Variants in TAFA1 observed in about 807,000 individuals in gnomAD.
TAFA1 encodes chemokine-like protein TAFA-1.
Under a neutral mutation model 18.5 loss-of-function variants are expected in TAFA1, and 4 were observed. That is an observed-to-expected ratio of 0.22 (90% CI 0.11 to 0.49). The LOEUF is 0.49. Ranked by LOEUF, TAFA1 falls within the 20% of genes least tolerant of loss-of-function variation. The pLI is 0.98. For missense variants in TAFA1, 147 were observed against 169.0 expected (o/e 0.87, Z 0.72); for synonymous variants, 56 against 55.2 (o/e 1.01, Z -0.06).
At chr3:68,150,679 CTTCT>C (rs2065796274) in intron 2 of TAFA1, among the ~76,000 whole-genome samples, 4 of 152,034 alleles carry the variant, frequency 2.6e-5, no homozygotes, top group African/African-American at 7.2e-5. Flanking sequence ...CCTTCATTTA[CTTCT>C]TTCTTTCTTT....
At chr3:68,425,372 GT>G in intron 3 of TAFA1, among the ~76,000 whole-genome samples, 1 of 152,032 alleles carries the variant, frequency 6.6e-6, no homozygotes, top group Non-Finnish European at 1.5e-5. Flanking sequence ...ACCAAAGCTT[GT>G]TTAGTAGATG....
intron 3 of TAFA1, among the ~76,000 whole-genome samples, chr3:68,463,737 G>C (rs1375526334): frequency 6.6e-6 from 1 of 152,128 alleles, no homozygotes; most frequent in Non-Finnish European, 1.5e-5. Flanking sequence ...AAAATCTTAT[G>C]ACAGTTTTTT....
At chr3:68,235,529 CT>C (rs1207846413) in intron 2 of TAFA1, among the ~76,000 whole-genome samples, 1 of 152,158 alleles carries the variant, frequency 6.6e-6, no homozygotes, top group African/African-American at 2.4e-5. Flanking sequence ...TAAATAACAG[CT>C]TCTGGGAATG....
intron 2 of TAFA1, among the ~76,000 whole-genome samples, chr3:68,121,524 T>A (rs1319265075): frequency 1.3e-5 from 2 of 152,190 alleles, no homozygotes; most frequent in East Asian, 3.8e-4. Flanking sequence ...TTGAACTGAA[T>A]GTACAGGCTG....
At chr3:68,503,491 G>A (rs1273031762) in intron 3 of TAFA1, among the ~76,000 whole-genome samples, 2 of 152,118 alleles carry the variant, frequency 1.3e-5, no homozygotes, top group Non-Finnish European at 2.9e-5. Flanking sequence ...AATCCATAGA[G>A]ATAGAAAGCA....
chr3:68,525,322 A>C (rs1671660726), intron 3 of TAFA1, among the ~76,000 whole-genome samples: 1 of 152,230 alleles, frequency 6.6e-6, no homozygotes, highest in Non-Finnish European at 1.5e-5. Flanking sequence ...TCAAAATATA[A>C]GAATCCTTAT....
chr3:68,395,787 C>T (rs1228717540), intron 2 of TAFA1, among the ~76,000 whole-genome samples: 1 of 152,010 alleles, frequency 6.6e-6, no homozygotes, highest in Admixed American at 6.6e-5. Context: ...AGGGGAATAT[C>T]ACACACTGGG....
chr3:68,414,157 A>C (rs2070768335), intron 2 of TAFA1, among the ~76,000 whole-genome samples: 1 of 152,134 alleles, frequency 6.6e-6, no homozygotes, highest in Non-Finnish European at 1.5e-5. Flanking sequence ...ATACAAAAAA[A>C]TTAGCTGGGC....
intron 2 of TAFA1, among the ~76,000 whole-genome samples, chr3:68,361,113 A>C (rs2106793802): frequency 6.6e-6 from 1 of 152,198 alleles, no homozygotes; most frequent in East Asian, 1.9e-4. Context: ...GTGGGAAGTC[A>C]GAATCAATTG....
At chr3:68,219,728 A>G (rs2066706443) in intron 2 of TAFA1, among the ~76,000 whole-genome samples, 1 of 152,180 alleles carries the variant, frequency 6.6e-6, no homozygotes, top group East Asian at 1.9e-4. Context: ...TCAACTGATT[A>G]GTAACCTAAT....
At chr3:68,050,152 T>C (rs1159003191) in intron 2 of TAFA1, among the ~76,000 whole-genome samples, 1 of 152,162 alleles carries the variant, frequency 6.6e-6, no homozygotes, top group Non-Finnish European at 1.5e-5. Flanking sequence ...ATAGTTCCTT[T>C]GGAAGGTGAT....
intron 2 of TAFA1, among the ~76,000 whole-genome samples, chr3:68,085,359 C>A (rs1490716118): frequency 6.6e-6 from 1 of 152,164 alleles, no homozygotes; most frequent in African/African-American, 2.4e-5. Flanking sequence ...ACAGAGTATG[C>A]AACATTTCCT....
At chr3:68,144,167 T>C (rs1311523449) in intron 2 of TAFA1, among the ~76,000 whole-genome samples, 1 of 152,178 alleles carries the variant, frequency 6.6e-6, no homozygotes, top group Non-Finnish European at 1.5e-5. Context: ...TGCTAAAGTG[T>C]GAAAAATTCT....
At chr3:68,352,768 G>A (rs1350364460) in intron 2 of TAFA1, among the ~76,000 whole-genome samples, 3 of 152,052 alleles carry the variant, frequency 2.0e-5, no homozygotes, top group Non-Finnish European at 4.4e-5. Flanking sequence ...GAAGGCTGTT[G>A]TCCCATTGTC....
chr3:68,242,067 T>C (rs2067007020), intron 2 of TAFA1, among the ~76,000 whole-genome samples: 1 of 152,182 alleles, frequency 6.6e-6, no homozygotes. Flanking sequence ...TCTGCAGTAA[T>C]ACAGCCTAAA....
At chr3:68,209,838 T>A (rs1432934426) in intron 2 of TAFA1, among the ~76,000 whole-genome samples, 2 of 152,044 alleles carry the variant, frequency 1.3e-5, no homozygotes, top group Admixed American at 6.6e-5. Context: ...ACACAATTTA[T>A]ATATACTTCA....
chr3:68,260,685 A>G (rs1288661303), intron 2 of TAFA1, among the ~76,000 whole-genome samples: 1 of 152,188 alleles, frequency 6.6e-6, no homozygotes, highest in Non-Finnish European at 1.5e-5. Context: ...TTCCCTATTT[A>G]ATAAATGATG....
At chr3:68,452,918 C>T (rs1243641547) in intron 3 of TAFA1, among the ~76,000 whole-genome samples, 1 of 152,108 alleles carries the variant, frequency 6.6e-6, no homozygotes, top group Non-Finnish European at 1.5e-5. Flanking sequence ...TTCTGAATAT[C>T]CCTGAAGAGG....
intron 2 of TAFA1, among the ~76,000 whole-genome samples, chr3:68,388,374 C>T (rs977034062): frequency 2.0e-5 from 3 of 152,122 alleles, no homozygotes; most frequent in Admixed American, 6.6e-5. Flanking sequence ...AATTTAGTAA[C>T]TATATTACAC....
Sources: gnomAD v4.1 joint callset for allele counts (sites outside exome capture counted in the v4.1 genomes callset) on GRCh38, gnomAD v4.1.1 for gene constraint, MANE v1.5 for transcripts, NCBI Gene and HGNC (gene_info 2026-07-23, HGNC 2026-07-21) for gene names.